Variants in HTT observed in about 807,000 individuals in gnomAD.
HTT encodes the protein huntingtin, also known as huntington disease protein.
HTT carries 104 observed loss-of-function variants against 362.3 expected under a neutral mutation model. The observed-to-expected ratio is 0.29, with a 90% CI of 0.24 to 0.34. The LOEUF is 0.34. Ranked by LOEUF, HTT falls within the 10% of genes least tolerant of loss-of-function variation. The pLI is 1.00. For missense variants in HTT, 3,301 were observed against 3,928.6 expected (o/e 0.84, Z 4.27); for synonymous variants, 1,577 against 1,548.7 (o/e 1.02, Z -0.43).
At chr4:3,187,622 C>T (rs781700122) in intron 38 of HTT, 29 bp from the exon 39 acceptor site, 2 of 1,508,080 alleles carry the variant, frequency 1.3e-6, no homozygotes. Flanking sequence ...TTTTCTTCAG[C>T]TGTGACTTAT....
intron 51 of HTT, 124 bp downstream of exon 51, chr4:3,215,335 G>C: frequency 3.0e-6 from 2 of 659,410 alleles, no homozygotes; most frequent in South Asian, 1.9e-5. Flanking sequence ...GCTGTGTCCT[G>C]CTGCTCCTCC....
intron 40 of HTT, among the ~76,000 whole-genome samples, chr4:3,189,803 T>G (rs188309993): frequency 7.8e-4 from 118 of 152,230 alleles, no homozygotes; most frequent in Admixed American, 1.6e-3. Context: ...GGCAGGAGGA[T>G]TGCTTGAGCC....
intron 40 of HTT, among the ~76,000 whole-genome samples, chr4:3,195,603 C>T (rs1719212840): frequency 6.6e-6 from 1 of 152,176 alleles, no homozygotes; most frequent in Non-Finnish European, 1.5e-5. Context: ...AGCATCTTCT[C>T]ATCTCAGCCA....
chr4:3,239,188 G>C (rs362309), intron 66 of HTT, among the ~76,000 whole-genome samples: 65,791 of 151,980 alleles, frequency 0.43, 14,589 homozygotes, highest in African/African-American at 0.48. Context: ...CAGAGGGGCC[G>C]GTGTATGGCA....
chr4:3,140,485 C>T (rs1716291388), intron 21 of HTT, 25 bp from the exon 22 acceptor site: 3 of 1,611,824 alleles, frequency 1.9e-6, no homozygotes, highest in African/African-American at 2.7e-5. Context: ...CTTTCTTAAG[C>T]AAATTAACCT....
intron 21 of HTT, among the ~76,000 whole-genome samples, chr4:3,139,679 T>A (rs1191032381): frequency 6.6e-6 from 1 of 152,232 alleles, no homozygotes; most frequent in Non-Finnish European, 1.5e-5. Context: ...AGGAAAATGT[T>A]ACCCGTATTC....
At chr4:3,131,130 T>C (rs1295600037) in intron 14 of HTT, among the ~76,000 whole-genome samples, 156 bp from the exon 15 acceptor site, 1 of 152,048 alleles carries the variant, frequency 6.6e-6, no homozygotes, top group Non-Finnish European at 1.5e-5. Flanking sequence ...GGCCATGGTC[T>C]CTGTGAGGTC....
chr4:3,102,098 A>G (rs1714188241), intron 3 of HTT, among the ~76,000 whole-genome samples: 1 of 152,124 alleles, frequency 6.6e-6, no homozygotes, highest in Admixed American at 6.6e-5. Context: ...ATTTAGGAAG[A>G]GTGACCCGGT....
At chr4:3,083,283 C>T (rs145267954) in intron 1 of HTT, among the ~76,000 whole-genome samples, 69 of 152,136 alleles carry the variant, frequency 4.5e-4, no homozygotes, top group Middle Eastern at 3.4e-3. Flanking sequence ...TAGTTTGAGA[C>T]GGTGTGGTGG....
intron 22 of HTT, among the ~76,000 whole-genome samples, chr4:3,142,408 T>C (rs1716394761): frequency 6.6e-6 from 1 of 152,150 alleles, no homozygotes; most frequent in South Asian, 2.1e-4. Context: ...ACATGTGCCA[T>C]GAAGGGAATG....
At chr4:3,203,916 A>G (rs1283606851) in intron 41 of HTT, 91 bp from the exon 42 acceptor site, 6 of 1,263,216 alleles carry the variant, frequency 4.7e-6, no homozygotes, top group Admixed American at 1.8e-5. Flanking sequence ...TCTGTTTTAG[A>G]ACTAGAATTA....
chr4:3,197,052 CTCA>C (rs1267644629), intron 40 of HTT, among the ~76,000 whole-genome samples: 3 of 152,204 alleles, frequency 2.0e-5, no homozygotes, highest in African/African-American at 7.2e-5. Flanking sequence ...CTAGGTCTCT[CTCA>C]TCCTAGGCCC....
intron 18 of HTT, among the ~76,000 whole-genome samples, chr4:3,134,150 T>C (rs1560562833): frequency 6.6e-6 from 1 of 152,052 alleles, no homozygotes; most frequent in African/African-American, 2.4e-5. Flanking sequence ...GTTGAAACCA[T>C]GACATAAGCA....
chr4:3,239,867 G>A lies in HTT; in HGVS notation c.9237G>A (p.Arg3079=). 4 of 1,561,040 alleles carry A rather than the reference G, an allele frequency of 2.6e-6. No homozygotes were observed. Among genetic ancestry groups the A allele is most frequent in the Non-Finnish European group, 3.5e-6 (4 of 1,151,624 alleles). The change falls in exon 67 of 67, where the codon AGG becomes AGA. Residue 3079 remains arginine, a synonymous_variant. Transcript: ENST00000355072. ...CCAGCCTCCCACATGTCATCAGCAG[G>A]ATGGGCAAGCTGGAGCAGGTGGACG... is the stretch of plus-strand genomic sequence containing the variant. ...VAAILPHVIS[R]MGKLEQVDVN...
At position 3,215,164 on chromosome 4, in the gene HTT, C is replaced by A; in HGVS notation, c.7007C>A (p.Pro2336Gln). Residue 2336 changes from proline to glutamine, a missense_variant, in exon 51 of 67, where the codon CCA becomes CAA. Coordinates refer to ENST00000355072, the MANE Select transcript of HTT (RefSeq NM_001388492.1). ...LLSPERRTNTPKAISEEEEEV... is the reference protein window; with the variant it reads ...LLSPERRTNTQKAISEEEEEV... Reference sequence around the variant, plus strand: ...AGTCCAGAAAGAAGGACAAATACCCCAAAAGCCATCAGCGAGGAGGAGGAG... The same window carrying A: ...AGTCCAGAAAGAAGGACAAATACCCAAAAAGCCATCAGCGAGGAGGAGGAG... 2 of 1,614,134 alleles carry A rather than the reference C, an allele frequency of 1.2e-6. No individual in the cohort carries two copies. The highest frequency in any genetic ancestry group is 1.7e-6 in the Non-Finnish European group (2 of 1,180,004).
intron 40 of HTT, among the ~76,000 whole-genome samples, chr4:3,197,310 C>T (rs1184203167): frequency 2.0e-5 from 3 of 152,200 alleles, no homozygotes; most frequent in South Asian, 4.2e-4. Flanking sequence ...CTTCTCGACA[C>T]GGGACTTGTC....
At chr4:3,098,268 A>T (rs1713965451) in intron 2 of HTT, among the ~76,000 whole-genome samples, 1 of 152,182 alleles carries the variant, frequency 6.6e-6, no homozygotes, top group South Asian at 2.1e-4. Context: ...TGCTTTTATA[A>T]GTTTGTTGAT....
rs757320279 is a variant in HTT, at chr4:3,238,855, T to G, written c.9092T>G (p.Met3031Arg). Residue 3031 changes from methionine to arginine, a missense_variant, in exon 66 of 67, where the codon ATG becomes AGG. By Grantham distance (91) the Met-to-Arg change is moderately conservative. Coordinates refer to ENST00000355072, the MANE Select transcript of HTT (RefSeq NM_001388492.1). ...QTLHSTGQSSMVRDWVMLSLS... is the reference protein window; with the variant it reads ...QTLHSTGQSSRVRDWVMLSLS... ...CTGCACAGCACCGGGCAGTCGTCCA[T>G]GGTCCGGGACTGGGTCATGCTGTCC... 4 of 1,611,836 alleles carry G rather than the reference T, an allele frequency of 2.5e-6. No individual in the cohort carries two copies. The highest frequency in any genetic ancestry group is 4.5e-5 in the East Asian group (2 of 44,794).
chr4:3,172,771 ATTCACAGG>A (rs889481988), intron 30 of HTT, 129 bp from the exon 31 acceptor site: 4 of 363,912 alleles, frequency 1.1e-5, no homozygotes, highest in Non-Finnish European at 2.1e-5. Flanking sequence ...ATTAATAGTG[ATTCACAGG>A]AAGAATTTCA....
Sources: allele counts gnomAD v4.1 joint callset (sites outside exome capture counted in the v4.1 genomes callset), GRCh38; gene constraint gnomAD v4.1.1; transcripts MANE v1.5; gene names NCBI Gene and HGNC (gene_info 2026-07-23, HGNC 2026-07-21).